Variants in ATP9A observed in about 807,000 individuals in gnomAD.
ATP9A encodes the protein probable phospholipid-transporting ATPase IIA.
In ATP9A, 52 loss-of-function variants were observed where a neutral mutation model predicts 144.1. The ratio of observed to expected loss-of-function variants is 0.36; its 90% CI spans 0.29 to 0.45. ATP9A has a LOEUF of 0.45. Among genes scored for constraint, ATP9A ranks in the 20% least tolerant of loss-of-function variants. The pLI is 1.00. For missense variants in ATP9A, 947 were observed against 1,392.7 expected (o/e 0.68, Z 5.09); for synonymous variants, 582 against 557.4 (o/e 1.04, Z -0.62).
intron 1 of ATP9A, among the ~76,000 whole-genome samples, chr20:51,737,174 G>A (rs1053013674): frequency 6.6e-6 from 1 of 152,160 alleles, no homozygotes; most frequent in South Asian, 2.1e-4. Context: ...TCTGCATCCT[G>A]CACTACCATG....
At chr20:51,723,612 C>CTGGA (rs2077699264) in intron 3 of ATP9A, among the ~76,000 whole-genome samples, 1 of 142,550 alleles carries the variant, frequency 7.0e-6, no homozygotes, top group Non-Finnish European at 1.5e-5. Context: ...GTTGACCAGG[C>CTGGA]TGGAGTACAG....
intron 14 of ATP9A, among the ~76,000 whole-genome samples, chr20:51,655,316 G>A (rs6096518): frequency 0.25 from 38,257 of 152,132 alleles, 5,204 homozygotes; most frequent in Non-Finnish European, 0.3. Flanking sequence ...GTGGCCGGGC[G>A]CTGTGGCTCA....
intron 14 of ATP9A, among the ~76,000 whole-genome samples, chr20:51,651,184 T>C (rs35154796): frequency 1.2e-5 from 1 of 83,638 alleles, no homozygotes; most frequent in African/African-American, 3.6e-5. Flanking sequence ...ACACACAAAG[T>C]AAATATTATT....
chr20:51,708,289 T>C (rs2077623001), intron 4 of ATP9A, among the ~76,000 whole-genome samples: 1 of 148,422 alleles, frequency 6.7e-6, no homozygotes, highest in Non-Finnish European at 1.5e-5. Flanking sequence ...CCCATCTCTA[T>C]GATTTAAAAA....
chr20:51,724,573 G>A (rs2077704262), intron 3 of ATP9A, among the ~76,000 whole-genome samples: 2 of 152,200 alleles, frequency 1.3e-5, no homozygotes, highest in Admixed American at 1.3e-4. Context: ...GTTACCTTCA[G>A]AGCACTTTTC....
At chr20:51,678,934 G>A (rs2077488542) in intron 9 of ATP9A, among the ~76,000 whole-genome samples, 1 of 152,166 alleles carries the variant, frequency 6.6e-6, no homozygotes, top group Non-Finnish European at 1.5e-5. Context: ...AACCGGAGAG[G>A]ACGCACACAC....
At chr20:51,651,165 T>TATATACACAC (rs1555832966) in intron 14 of ATP9A, among the ~76,000 whole-genome samples, 1 of 140,284 alleles carries the variant, frequency 7.1e-6, no homozygotes, top group African/African-American at 2.7e-5. Context: ...TATATATATA[T>TATATACACAC]ACACACACAC....
intron 11 of ATP9A, 61 bp from the exon 12 acceptor site, chr20:51,671,318 A>T (rs1601094882): frequency 6.4e-7 from 1 of 1,570,324 alleles, no homozygotes; most frequent in East Asian, 2.3e-5. Context: ...TTGTATCTTT[A>T]TAAAAACATG....
chr20:51,710,310 A>G (rs566502779), intron 4 of ATP9A, among the ~76,000 whole-genome samples: 10 of 152,098 alleles, frequency 6.6e-5, no homozygotes, highest in Admixed American at 4.6e-4. Context: ...TCTAAAAAAA[A>G]AGAAAAAAAC....
At chr20:51,720,664 T>C (rs915257836) in intron 3 of ATP9A, among the ~76,000 whole-genome samples, 1 of 152,144 alleles carries the variant, frequency 6.6e-6, no homozygotes. Context: ...TGAAACCTCG[T>C]CTCTACTAAA....
chr20:51,736,542 C>A lies in ATP9A; in HGVS notation c.69-6564G>T, dbSNP rs545021214. Among the ~76,000 whole-genome samples, 134 of 139,136 alleles carry A rather than the reference C, an allele frequency of 9.6e-4. 1 individual carries two copies. The highest frequency in any genetic ancestry group is 1.2e-3 in the Non-Finnish European group (77 of 65,548). 91.3% of individuals were successfully genotyped at this position (139,136 alleles called of 152,430 possible). On this transcript the variant is annotated intron_variant, in intron 1 of 27. Coordinates refer to ENST00000338821, the MANE Select transcript of ATP9A (RefSeq NM_006045.3). ...GTTTTTTTTTCCTTTTTCTGGAGAA[C>A]GAGGTCTCGCTATATTGCCCAGGCA...
chr20:51,654,412 C>T (rs2077379120), intron 14 of ATP9A, among the ~76,000 whole-genome samples: 1 of 151,778 alleles, frequency 6.6e-6, no homozygotes, highest in Non-Finnish European at 1.5e-5. Flanking sequence ...CTCACTGATA[C>T]TTGCAAATTG....
intron 4 of ATP9A, among the ~76,000 whole-genome samples, chr20:51,700,657 T>TC (rs1206792930): frequency 8.6e-5 from 13 of 151,990 alleles, no homozygotes; most frequent in Non-Finnish European, 1.9e-4. Flanking sequence ...ATGGAGAAAC[T>TC]CCATCTCTAC....
chr20:51,612,042 T>C (rs1416290361), intron 23 of ATP9A, among the ~76,000 whole-genome samples: 1 of 152,246 alleles, frequency 6.6e-6, no homozygotes, highest in Non-Finnish European at 1.5e-5. Flanking sequence ...GATGTTTACA[T>C]ATTACCTTAT....
At chr20:51,690,927 T>C (rs2077545927) in intron 7 of ATP9A, 108 bp from the exon 8 acceptor site, 5 of 869,512 alleles carry the variant, frequency 5.8e-6, no homozygotes, top group South Asian at 4.4e-5. Context: ...ACACAGCAAA[T>C]GGCCCCTCAA....
chr20:51,624,038 A>G (rs1601063601), intron 18 of ATP9A, among the ~76,000 whole-genome samples: 1 of 152,338 alleles, frequency 6.6e-6, no homozygotes, highest in African/African-American at 2.4e-5. Flanking sequence ...TGGAAACTCC[A>G]GAAGTCTTAG....
rs1055306749 is a variant in ATP9A, at chr20:51,689,119, G to A, written c.744C>T (p.Ile248=). ...TFTREDSDPP[I]SESLSIENTL... Reference sequence around the variant, plus strand: ...TGTTCTCTATGCTCAGGCTCTCGCTGATCGGGGGGTCGCTGTCTTCCTGGA... The same window carrying A: ...TGTTCTCTATGCTCAGGCTCTCGCTAATCGGGGGGTCGCTGTCTTCCTGGA... The change falls in exon 9 of 28, where the codon ATC becomes ATT. Residue 248 remains isoleucine, a synonymous_variant. Transcript: ENST00000338821. 3.1e-6 allele frequency: 5 copies of A among 1,614,082 alleles called. No individual in the cohort carries two copies. Among genetic ancestry groups the A allele is most frequent in the Non-Finnish European group, 4.2e-6 (5 of 1,179,994 alleles).
At chr20:51,624,441 A>C (rs557785113) in intron 18 of ATP9A, among the ~76,000 whole-genome samples, 8 of 152,098 alleles carry the variant, frequency 5.3e-5, no homozygotes, top group African/African-American at 7.2e-5. Context: ...GCCCCTCCAG[A>C]TTCAACTCCT....
intron 15 of ATP9A, among the ~76,000 whole-genome samples, chr20:51,631,298 T>G (rs1371267978): frequency 6.6e-6 from 1 of 152,204 alleles, no homozygotes; most frequent in Non-Finnish European, 1.5e-5. Context: ...TTAAAAGCGT[T>G]CAACTGCACA....
Sources: gnomAD v4.1 joint callset for allele counts (sites outside exome capture counted in the v4.1 genomes callset) on GRCh38, gnomAD v4.1.1 for gene constraint, MANE v1.5 for transcripts, NCBI Gene and HGNC (gene_info 2026-07-23, HGNC 2026-07-21) for gene names.